The following BOLL variants were observed in gnomAD, a reference collection of about 807,000 sequenced individuals.
The protein encoded by BOLL is protein boule-like.
BOLL carries 23 observed loss-of-function variants against 44.4 expected under a neutral mutation model. The observed-to-expected ratio is 0.52, with a 90% CI of 0.37 to 0.73. BOLL has a LOEUF of 0.73. Among genes scored for constraint, BOLL ranks in the 30% least tolerant of loss-of-function variants. The probability of loss-of-function intolerance (pLI) is 0.00; values close to 1 mark genes in which losing one functional copy is unlikely to be tolerated. For synonymous variants in BOLL, 97 were observed against 110.8 expected, an observed-to-expected ratio of 0.88 and a Z score of 0.78; for missense variants, 287 against 338.3, an observed-to-expected ratio of 0.85 and a Z score of 1.19.
intron 9 of BOLL, among the ~76,000 whole-genome samples, chr2:197,754,584 C>T (rs534754077): frequency 6.6e-5 from 10 of 152,118 alleles, no homozygotes; most frequent in South Asian, 4.2e-4. Context: ...CATGGTGGCA[C>T]GTGCCTGTAG....
chr2:197,729,662 C>A (rs976146726), intron 10 of BOLL, among the ~76,000 whole-genome samples: 11 of 152,086 alleles, frequency 7.2e-5, no homozygotes, highest in Non-Finnish European at 1.5e-4. Context: ...ACCCCTGACC[C>A]CCAAGCAGCC....
chr2:197,736,451 C>T (rs1412147800), intron 10 of BOLL, among the ~76,000 whole-genome samples: 1 of 151,990 alleles, frequency 6.6e-6, no homozygotes, highest in Non-Finnish European at 1.5e-5. Context: ...TTGTAGTTCA[C>T]TTAATAGGTC....
chr2:197,747,245 A>G (rs1688027557), intron 9 of BOLL, among the ~76,000 whole-genome samples: 1 of 152,046 alleles, frequency 6.6e-6, no homozygotes, highest in African/African-American at 2.4e-5. Flanking sequence ...GTTAGTTACA[A>G]TTTAGTAAAG....
chr2:197,779,918 G>C (rs958578085), intron 2 of BOLL, among the ~76,000 whole-genome samples: 1 of 151,922 alleles, frequency 6.6e-6, no homozygotes, highest in African/African-American at 2.4e-5. Context: ...ACATGCCTTA[G>C]TGCAGAGCTA....
chr2:197,762,683 G>T (rs1466862306), intron 7 of BOLL, among the ~76,000 whole-genome samples: 1 of 152,144 alleles, frequency 6.6e-6, no homozygotes, highest in Non-Finnish European at 1.5e-5. Context: ...AATTAAGAAT[G>T]AAAATAGAAA....
intron 9 of BOLL, among the ~76,000 whole-genome samples, chr2:197,747,717 A>G (rs1032861732): frequency 7.9e-5 from 12 of 152,180 alleles, no homozygotes; most frequent in Non-Finnish European, 1.2e-4. Context: ...ATATTAAAAA[A>G]GTAATAAAAC....
rs1007245341 is a variant in BOLL, at chr2:197,785,125, CGCG to C, written c.-88_-86del. The C allele has an allele frequency of 1.0e-6, 1 of 985,848 alleles. No homozygotes were observed. Among genetic ancestry groups the C allele is most frequent in the Non-Finnish European group, 1.2e-6 (1 of 829,942 alleles). The allele number at this position is 985,848 out of a possible 1,614,324, so 61.1% of individuals were successfully genotyped here. ...AAGTTGCGGCACTGGGGGAAATGGCCGCGGCGACAACTTCCTCGAGTTCTCTCG... is the reference window on the plus strand; with the variant it reads ...AAGTTGCGGCACTGGGGGAAATGGCCGCGACAACTTCCTCGAGTTCTCTCG... On this transcript the variant is annotated 5_prime_UTR_variant, in exon 1 of 11. Coordinates refer to ENST00000392296, the MANE Select transcript of BOLL (RefSeq NM_033030.6). This position sits in a 1 kb window ranked among gnomAD's most constrained non-coding sequence, Gnocchi z 6.7.
At chr2:197,769,045 C>T (rs1488107121) in intron 6 of BOLL, among the ~76,000 whole-genome samples, 1 of 151,792 alleles carries the variant, frequency 6.6e-6, no homozygotes, top group East Asian at 1.9e-4. Flanking sequence ...TTTTGATGTG[C>T]TGCTGGATTC....
chr2:197,770,433 A>G (rs1168597782), intron 6 of BOLL, among the ~76,000 whole-genome samples: 1 of 152,200 alleles, frequency 6.6e-6, no homozygotes, highest in African/African-American at 2.4e-5. Flanking sequence ...GGATATAGGC[A>G]TGGGCAAGGA....
At chr2:197,770,063 A>G (rs1689170008) in intron 6 of BOLL, among the ~76,000 whole-genome samples, 1 of 152,206 alleles carries the variant, frequency 6.6e-6, no homozygotes, top group African/African-American at 2.4e-5. Flanking sequence ...AGCAAAAAGA[A>G]CAAAGCTGGA....
intron 7 of BOLL, chr2:197,758,992 GACATTGTTT>G (rs1688633324): frequency 6.5e-7 from 1 of 1,535,744 alleles, no homozygotes; most frequent in African/African-American, 1.4e-5. Flanking sequence ...CTTCTTGTAT[GACATTGTTT>G]AATTCCCTCG....
chr2:197,739,543 T>C (rs938050096), intron 10 of BOLL, among the ~76,000 whole-genome samples: 2 of 152,192 alleles, frequency 1.3e-5, no homozygotes, highest in Non-Finnish European at 2.9e-5. Flanking sequence ...CACTATGCTC[T>C]CAAACTCCTG....
chr2:197,785,923 C>T (rs1348240574), upstream of BOLL: 2 of 1,377,134 alleles, frequency 1.5e-6, no homozygotes, highest in African/African-American at 1.4e-5. The surrounding 1 kb of genome is among the most constrained non-coding windows in gnomAD (Gnocchi z 6.7). Flanking sequence ...CAGGGACAGG[C>T]TCCACGCTGC....
At chr2:197,746,894 G>T (rs1688009084) in intron 9 of BOLL, among the ~76,000 whole-genome samples, 1 of 110,106 alleles carries the variant, frequency 9.1e-6, no homozygotes, top group East Asian at 2.4e-4. Context: ...GTGAGACTCT[G>T]TCTCGAAAAA....
chr2:197,779,402 C>T (rs1376424364), intron 2 of BOLL, among the ~76,000 whole-genome samples: 1 of 151,962 alleles, frequency 6.6e-6, no homozygotes, highest in Non-Finnish European at 1.5e-5. Flanking sequence ...AATGCTATTT[C>T]CATAGTAAGG....
chr2:197,741,789 AACAAAAGCCAAAATTG>A (rs1206075474), intron 10 of BOLL, among the ~76,000 whole-genome samples: 2 of 152,194 alleles, frequency 1.3e-5, no homozygotes, highest in African/African-American at 4.8e-5. Context: ...AAGCCATGGC[AACAAAAGCCAAAATTG>A]ACAAATGGGA....
chr2:197,757,314 A>G, intron 8 of BOLL, 39 bp downstream of exon 8: 1 of 1,553,182 alleles, frequency 6.4e-7, no homozygotes, highest in Non-Finnish European at 8.8e-7. Context: ...ATATAATGAA[A>G]GAAGGATTTA....
intron 3 of BOLL, among the ~76,000 whole-genome samples, chr2:197,778,045 G>T (rs946712969): frequency 3.3e-5 from 5 of 151,904 alleles, no homozygotes; most frequent in African/African-American, 1.2e-4. Context: ...ACATTTCCAT[G>T]TATGTTTTCC....
rs1176475218 is a variant in BOLL, at chr2:197,728,207, GA to G, written c.*347del. 29 of 386,870 alleles carry G rather than the reference GA, an allele frequency of 7.5e-5. No homozygotes were observed. The highest frequency in any genetic ancestry group is 1.1e-4 in the Non-Finnish European group (24 of 218,794). 24.0% of individuals were successfully genotyped at this position (386,870 alleles called of 1,614,324 possible). ...AACATAACATCTAATTGTTTGATAAGAAAAAATAACACAAAGCAGAGAAAAT... is the reference window on the plus strand; with the variant it reads ...AACATAACATCTAATTGTTTGATAAGAAAAATAACACAAAGCAGAGAAAAT... On this transcript the variant is annotated 3_prime_UTR_variant, in exon 11 of 11. Transcript: ENST00000392296.
Sources: gnomAD v4.1 joint callset for allele counts (sites outside exome capture counted in the v4.1 genomes callset) on GRCh38, gnomAD v4.1.1 for gene constraint, Gnocchi (gnomAD v3.1) non-coding constraint, MANE v1.5 for transcripts, NCBI Gene and HGNC (gene_info 2026-07-23, HGNC 2026-07-21) for gene names.